The following CHN1 variants were observed in gnomAD, a reference collection of about 807,000 sequenced individuals.
CHN1 encodes the protein chimerin 1.
A neutral mutation model predicts 59.5 loss-of-function variants in CHN1; 37 were observed. The ratio of observed to expected loss-of-function variants is 0.62; its 90% CI spans 0.48 to 0.82. CHN1 has a LOEUF of 0.82. Ranked by LOEUF, CHN1 falls within the 40% of genes least tolerant of loss-of-function variation. CHN1 has a pLI of 0.00. For synonymous variants in CHN1, 206 were observed against 200.4 expected (o/e 1.03, Z -0.24); for missense variants, 469 against 571.0 (o/e 0.82, Z 1.82).
chr2:174,807,440 G>A (rs541691549), intron 11 of CHN1, among the ~76,000 whole-genome samples: 1 of 144,220 alleles, frequency 6.9e-6, no homozygotes, highest in African/African-American at 2.6e-5. Flanking sequence ...GCTTTTCACG[G>A]GCTATCTGTG....
rs574425788 is a variant in CHN1, at chr2:174,846,059, C to G, written c.627+821G>C. Among the ~76,000 whole-genome samples the G allele has an allele frequency of 3.3e-5, 5 of 152,250 alleles. No homozygotes were observed. In the South Asian group the frequency reaches 1.0e-3, roughly 32 times the overall value. On this transcript the variant is annotated intron_variant, in intron 7 of 12. Transcript: ENST00000409900. ...AGAACCGCATCACAAAGTTGTCTAA[C>G]TATTGGGAAGTTACTATAGAAATGC...
At chr2:174,821,682 G>A (rs1459540330) in intron 8 of CHN1, 2 of 446,308 alleles carry the variant, frequency 4.5e-6, no homozygotes, top group Non-Finnish European at 9.2e-6. Flanking sequence ...CCCTCTGGAG[G>A]ACATAGCTTT....
At chr2:174,996,423 G>A (rs186115122) in intron 1 of CHN1, among the ~76,000 whole-genome samples, 4 of 152,250 alleles carry the variant, frequency 2.6e-5, no homozygotes, top group East Asian at 1.9e-4. Flanking sequence ...TTACAATAAC[G>A]ATATAGGTGA....
At chr2:174,812,043 T>TGTC (rs1335896210) in intron 9 of CHN1, 2 of 341,784 alleles carry the variant, frequency 5.9e-6, no homozygotes, top group Non-Finnish European at 1.0e-5. Flanking sequence ...TGTCTTTACC[T>TGTC]GTCAACTTTT....
chr2:174,948,654 AAAAC>A (rs1689921640), intron 2 of CHN1, among the ~76,000 whole-genome samples: 2 of 152,208 alleles, frequency 1.3e-5, no homozygotes, highest in African/African-American at 2.4e-5. Context: ...CAAAGATAGA[AAAAC>A]AAAACACACT....
At chr2:174,894,760 A>G (rs996154098) in intron 5 of CHN1, among the ~76,000 whole-genome samples, 1 of 152,154 alleles carries the variant, frequency 6.6e-6, no homozygotes, top group African/African-American at 2.4e-5. Context: ...AAAATGTGGT[A>G]CAGTAGTCCA....
intron 3 of CHN1, among the ~76,000 whole-genome samples, chr2:174,928,953 A>G (rs1689253231): frequency 6.6e-6 from 1 of 152,150 alleles, no homozygotes; most frequent in South Asian, 2.1e-4. Context: ...CTTATAAAAG[A>G]CCTACATAGA....
intron 5 of CHN1, among the ~76,000 whole-genome samples, chr2:174,885,583 C>T (rs1039867300): frequency 2.6e-5 from 4 of 152,048 alleles, no homozygotes; most frequent in African/African-American, 9.7e-5. Flanking sequence ...CAACCTCCAC[C>T]TCCCTGATTC....
In CHN1 at chr2:174,812,284, G is replaced by A. The variant is rs575932903; in HGVS notation, c.886+25C>T. On this transcript the variant is annotated intron_variant, in intron 9 of 12. Coordinates refer to ENST00000409900, the MANE Select transcript of CHN1 (RefSeq NM_001822.7). Reference sequence around the variant, plus strand: ...GTACTGGTAGTGAACGGAGACCACTGCAACCCGCACTGCAAATGGCTCACC... The same window carrying A: ...GTACTGGTAGTGAACGGAGACCACTACAACCCGCACTGCAAATGGCTCACC... 4.4e-6 allele frequency: 7 copies of A among 1,591,614 alleles called. No individual in the cohort carries two copies. The African/African-American group carries it at 5.4e-5, about 12-fold the overall frequency.
chr2:174,828,675 A>C (rs1207715103), intron 7 of CHN1, among the ~76,000 whole-genome samples: 3 of 152,220 alleles, frequency 2.0e-5, no homozygotes, highest in African/African-American at 7.2e-5. Context: ...GAACATTCAA[A>C]ATATAATTAA....
intron 1 of CHN1, among the ~76,000 whole-genome samples, chr2:174,994,892 A>T (rs1691657559): frequency 6.6e-6 from 1 of 152,052 alleles, no homozygotes; most frequent in African/African-American, 2.4e-5. Flanking sequence ...AATGGTGACA[A>T]GGAACCACTG....
chr2:174,905,556 TA>T (rs201230011), intron 5 of CHN1, among the ~76,000 whole-genome samples: 275 of 151,516 alleles, frequency 1.8e-3, no homozygotes, highest in African/African-American at 6.5e-3. Flanking sequence ...ATGCTGAGGA[TA>T]AAAAAAAATT....
chr2:174,849,523 A>G (rs1686656900), intron 6 of CHN1, among the ~76,000 whole-genome samples: 3 of 152,206 alleles, frequency 2.0e-5, no homozygotes, highest in Non-Finnish European at 2.9e-5. Context: ...TTGGTGAAGA[A>G]CTTGTAAATA....
chr2:174,847,772 GC>G (rs1558950755), intron 6 of CHN1: 9 of 92,682 alleles, frequency 9.7e-5, no homozygotes, highest in South Asian at 2.6e-4. Context: ...CTGGCTCAAG[GC>G]AAAAAAAAAA....
chr2:174,955,494 G>A (rs1184256673), intron 1 of CHN1, among the ~76,000 whole-genome samples: 1 of 151,870 alleles, frequency 6.6e-6, no homozygotes, highest in Non-Finnish European at 1.5e-5. Context: ...GGGAAAGGAT[G>A]GACGGGGAGA....
At chr2:174,835,821 T>C (rs554000279) in intron 7 of CHN1, among the ~76,000 whole-genome samples, 27 of 152,074 alleles carry the variant, frequency 1.8e-4, no homozygotes, top group Non-Finnish European at 3.8e-4. Flanking sequence ...TGATACCCTC[T>C]TGAAGAGTCT....
chr2:174,998,249 T>G (rs996719190), intron 1 of CHN1, among the ~76,000 whole-genome samples: 2 of 139,700 alleles, frequency 1.4e-5, no homozygotes, highest in African/African-American at 2.7e-5. Flanking sequence ...GTTGCAGTGA[T>G]CTGAGATTGC....
intron 1 of CHN1, among the ~76,000 whole-genome samples, chr2:174,969,677 CCT>C (rs893784980): frequency 3.3e-5 from 5 of 152,128 alleles, no homozygotes; most frequent in African/African-American, 7.2e-5. Context: ...TTCAAAACCC[CCT>C]GACACTTCAT....
chr2:174,861,534 T>A (rs1319731241), intron 6 of CHN1, among the ~76,000 whole-genome samples: 1 of 152,226 alleles, frequency 6.6e-6, no homozygotes, highest in Non-Finnish European at 1.5e-5. Context: ...CAGAATAGAT[T>A]TAATACAAAG....
Sources: allele counts gnomAD v4.1 joint callset (sites outside exome capture counted in the v4.1 genomes callset), GRCh38; gene constraint gnomAD v4.1.1; transcripts MANE v1.5; gene names NCBI Gene and HGNC (gene_info 2026-07-23, HGNC 2026-07-21).